OPCML: variants seen among roughly 807,000 people sequenced by gnomAD.
The protein encoded by OPCML is opioid binding protein/cell adhesion molecule like, also known as opioid-binding protein/cell adhesion molecule.
In OPCML, 13 loss-of-function variants were observed where a neutral mutation model predicts 37.8. The ratio of observed to expected loss-of-function variants is 0.34; its 90% CI spans 0.22 to 0.55. The LOEUF (loss-of-function observed/expected upper bound fraction) is 0.55. Ranked by LOEUF, OPCML falls within the 20% of genes least tolerant of loss-of-function variation. The pLI is 0.91. For synonymous variants in OPCML, 176 were observed against 168.8 expected, an observed-to-expected ratio of 1.04 and a Z score of -0.33; for missense variants, 341 against 435.6, an observed-to-expected ratio of 0.78 and a Z score of 1.93.
intron 1 of OPCML, among the ~76,000 whole-genome samples, chr11:133,001,133 T>C (rs1222341969): frequency 6.6e-6 from 1 of 152,206 alleles, no homozygotes; most frequent in Non-Finnish European, 1.5e-5. Context: ...GTCTCAGTTA[T>C]TCCTTAATAA....
intron 1 of OPCML, among the ~76,000 whole-genome samples, chr11:133,052,625 C>G (rs1478483178): frequency 6.6e-6 from 1 of 152,208 alleles, no homozygotes; most frequent in Non-Finnish European, 1.5e-5. Context: ...TCTGCTGGCT[C>G]TGGAGCCAGG....
intron 1 of OPCML, among the ~76,000 whole-genome samples, chr11:133,085,029 C>T (rs539427852): frequency 1.3e-5 from 2 of 152,182 alleles, no homozygotes; most frequent in Non-Finnish European, 2.9e-5. Flanking sequence ...ACTTACTTTT[C>T]TAAGTTTATC....
chr11:133,024,431 A>G, intron 1 of OPCML: 1 of 984,850 alleles, frequency 1.0e-6, no homozygotes, highest in Non-Finnish European at 1.2e-6. Flanking sequence ...TTGTAGGTCA[A>G]GCACACACAG....
chr11:132,964,651 C>T (rs761247936), intron 1 of OPCML, among the ~76,000 whole-genome samples: 13 of 152,182 alleles, frequency 8.5e-5, no homozygotes, highest in Non-Finnish European at 1.5e-4. Flanking sequence ...CCTGCCCAGT[C>T]GCTACCATGC....
At chr11:133,104,814 T>C (rs1470696207) in intron 1 of OPCML, among the ~76,000 whole-genome samples, 1 of 151,992 alleles carries the variant, frequency 6.6e-6, no homozygotes, top group African/African-American at 2.4e-5. Context: ...AAAGTGGATT[T>C]TAATTAAATG....
intron 3 of OPCML, among the ~76,000 whole-genome samples, chr11:132,605,462 G>A (rs1486311286): frequency 6.6e-6 from 1 of 152,070 alleles, no homozygotes; most frequent in Non-Finnish European, 1.5e-5. Context: ...TACTCGGGAG[G>A]CTGAGGTAGG....
At chr11:132,542,741 C>G (rs539182084) in intron 3 of OPCML, among the ~76,000 whole-genome samples, 1 of 152,322 alleles carries the variant, frequency 6.6e-6, no homozygotes, top group East Asian at 1.9e-4. Flanking sequence ...CTCAACTGAG[C>G]TGGCTGCCCC....
intron 1 of OPCML, among the ~76,000 whole-genome samples, chr11:133,254,713 GC>G (rs1389511493): frequency 6.6e-6 from 1 of 152,186 alleles, no homozygotes; most frequent in Non-Finnish European, 1.5e-5. Context: ...TAAATGGACA[GC>G]TTTAAACTTG....
chr11:132,857,926 G>A (rs1304859391), intron 2 of OPCML, among the ~76,000 whole-genome samples: 1 of 152,062 alleles, frequency 6.6e-6, no homozygotes. Context: ...GCTGCTCTAA[G>A]TGTTACCCTG....
intron 1 of OPCML, among the ~76,000 whole-genome samples, chr11:133,368,488 T>A (rs1004930375): frequency 4.6e-5 from 7 of 152,094 alleles, no homozygotes; most frequent in Non-Finnish European, 1.0e-4. Context: ...CCAAGGTAAG[T>A]GTGTCCTTAT....
At chr11:133,140,572 A>AGAAGAAGAAGAAG (rs1565467437) in intron 1 of OPCML, among the ~76,000 whole-genome samples, 7 of 147,890 alleles carry the variant, frequency 4.7e-5, no homozygotes, top group African/African-American at 1.7e-4. Context: ...AAGAAGAAGA[A>AGAAGAAGAAGAAG]GAAGAAAGAA....
chr11:133,016,418 C>T (rs1258939350), intron 1 of OPCML, among the ~76,000 whole-genome samples: 3 of 152,266 alleles, frequency 2.0e-5, no homozygotes, highest in Non-Finnish European at 4.4e-5. Context: ...GGGCTCCCTT[C>T]GTCTTCAAAG....
intron 3 of OPCML, among the ~76,000 whole-genome samples, chr11:132,652,119 G>C (rs1263067711): frequency 6.6e-6 from 1 of 152,140 alleles, no homozygotes; most frequent in Non-Finnish European, 1.5e-5. Flanking sequence ...ATCCACAGAG[G>C]GTCCAGGGTT....
chr11:132,676,441 C>T (rs1048249386), intron 2 of OPCML, among the ~76,000 whole-genome samples: 5 of 151,548 alleles, frequency 3.3e-5, no homozygotes, highest in African/African-American at 1.2e-4. Flanking sequence ...AATTGGATTT[C>T]ATAAAAATTA....
intron 3 of OPCML, among the ~76,000 whole-genome samples, chr11:132,618,216 G>T (rs972725111): frequency 3.9e-5 from 6 of 152,302 alleles, no homozygotes; most frequent in East Asian, 1.9e-4. Flanking sequence ...GTAATTAAAG[G>T]CTGGTTTTTT....
intron 1 of OPCML, among the ~76,000 whole-genome samples, chr11:133,264,768 T>TAA (rs5795834): frequency 3.3e-5 from 5 of 149,766 alleles, no homozygotes; most frequent in Admixed American, 1.3e-4. Context: ...CGGTTTTTAA[T>TAA]AAAAAAAAAA....
intron 1 of OPCML, among the ~76,000 whole-genome samples, chr11:133,114,805 A>G (rs1949307012): frequency 6.6e-6 from 1 of 152,208 alleles, no homozygotes; most frequent in South Asian, 2.1e-4. Flanking sequence ...AAGAGTCTCA[A>G]AGCAAATGGT....
At chr11:133,181,715 A>T (rs922142519) in intron 1 of OPCML, among the ~76,000 whole-genome samples, 28 of 152,184 alleles carry the variant, frequency 1.8e-4, no homozygotes, top group Non-Finnish European at 4.0e-4. Flanking sequence ...CCATCAGACA[A>T]ATTACTAATC....
At chr11:133,463,708 A>G (rs999044398) in intron 1 of OPCML, among the ~76,000 whole-genome samples, 20 of 152,108 alleles carry the variant, frequency 1.3e-4, no homozygotes, top group African/African-American at 4.6e-4. Flanking sequence ...AATGCGCCCA[A>G]CTGGGTACTT....
Sources: allele counts gnomAD v4.1 joint callset (sites outside exome capture counted in the v4.1 genomes callset), GRCh38; gene constraint gnomAD v4.1.1; transcripts MANE v1.5; gene names NCBI Gene and HGNC (gene_info 2026-07-23, HGNC 2026-07-21).